HS3ST2: variants seen among roughly 807,000 people sequenced by gnomAD.
HS3ST2 encodes the protein heparan sulfate-glucosamine 3-sulfotransferase 2, also known as heparan sulfate glucosamine 3-O-sulfotransferase 2.
In HS3ST2, 17 loss-of-function variants were observed where a neutral mutation model predicts 26.3. That is an observed-to-expected ratio of 0.65 (90% confidence interval 0.44 to 0.97). The LOEUF (loss-of-function observed/expected upper bound fraction) is 0.97. Ranked by LOEUF, HS3ST2 falls within the 50% of genes least tolerant of loss-of-function variation. The pLI is 0.00. For missense variants in HS3ST2, 402 were observed against 501.2 expected (o/e 0.80, Z 1.89); for synonymous variants, 237 against 219.2 (o/e 1.08, Z -0.72).
chr16:22,831,052 C>G (rs1050859938), intron 1 of HS3ST2, among the ~76,000 whole-genome samples: 1 of 152,250 alleles, frequency 6.6e-6, no homozygotes, highest in African/African-American at 2.4e-5. Flanking sequence ...GCCTATTTCT[C>G]TGTTCCAGAG....
At chr16:22,836,180 C>T (rs896597089) in intron 1 of HS3ST2, among the ~76,000 whole-genome samples, 4 of 151,974 alleles carry the variant, frequency 2.6e-5, no homozygotes, top group Non-Finnish European at 4.4e-5. Context: ...ACATTTAATC[C>T]TCATAAAACT....
At chr16:22,879,570 C>T (rs1049077364) in intron 1 of HS3ST2, among the ~76,000 whole-genome samples, 9 of 152,096 alleles carry the variant, frequency 5.9e-5, no homozygotes, top group East Asian at 5.8e-4. Flanking sequence ...GCACGTGACC[C>T]GAGTGAGCTG....
intron 1 of HS3ST2, among the ~76,000 whole-genome samples, chr16:22,855,874 T>C (rs1025315341): frequency 1.3e-5 from 2 of 152,200 alleles, no homozygotes; most frequent in Non-Finnish European, 2.9e-5. Flanking sequence ...CTGTGACTCA[T>C]TGGCTCTGAT....
chr16:22,842,751 T>C (rs1381657689), intron 1 of HS3ST2, among the ~76,000 whole-genome samples: 2 of 152,194 alleles, frequency 1.3e-5, no homozygotes, highest in Non-Finnish European at 2.9e-5. Flanking sequence ...CTCCCATCTC[T>C]TAACCTTCTC....
chr16:22,864,871 C>A (rs570080466), intron 1 of HS3ST2, among the ~76,000 whole-genome samples: 8 of 126,208 alleles, frequency 6.3e-5, no homozygotes, highest in East Asian at 3.1e-4. Flanking sequence ...CATAGGGAGA[C>A]CCTGTCTCCA....
chr16:22,882,891 C>G (rs1031313587), intron 1 of HS3ST2, among the ~76,000 whole-genome samples: 16 of 151,376 alleles, frequency 1.1e-4, no homozygotes, highest in African/African-American at 3.9e-4. Flanking sequence ...GTTAGCCAGG[C>G]GTGGTGGTGC....
intron 1 of HS3ST2, among the ~76,000 whole-genome samples, chr16:22,899,871 G>A (rs550006109): frequency 1.3e-5 from 2 of 152,344 alleles, no homozygotes; most frequent in African/African-American, 2.4e-5. Flanking sequence ...ATGACACATA[G>A]GAATTACGGG....
chr16:22,815,946 G>T (rs1467204962), intron 1 of HS3ST2, among the ~76,000 whole-genome samples: 1 of 152,224 alleles, frequency 6.6e-6, no homozygotes, highest in African/African-American at 2.4e-5. Context: ...GCGGGTGAAG[G>T]CTAGCAAGGG....
chr16:22,882,284 C>T (rs922853443), intron 1 of HS3ST2, among the ~76,000 whole-genome samples: 4 of 152,094 alleles, frequency 2.6e-5, no homozygotes, highest in Non-Finnish European at 5.9e-5. Context: ...GTCAATTGAG[C>T]CTGGGATGTT....
At chr16:22,905,436 T>C (rs1049218633) in intron 1 of HS3ST2, among the ~76,000 whole-genome samples, 26 of 151,910 alleles carry the variant, frequency 1.7e-4, no homozygotes, top group Non-Finnish European at 3.1e-4. Flanking sequence ...TTTTTTTTTT[T>C]TCTCTTTTTT....
At chr16:22,823,817 T>C (rs1327179185) in intron 1 of HS3ST2, among the ~76,000 whole-genome samples, 2 of 152,048 alleles carry the variant, frequency 1.3e-5, no homozygotes, top group Non-Finnish European at 2.9e-5. Context: ...GTGTTAGCGA[T>C]TGGGAGAGAT....
At chr16:22,826,375 G>A (rs552522435) in intron 1 of HS3ST2, among the ~76,000 whole-genome samples, 2 of 152,088 alleles carry the variant, frequency 1.3e-5, no homozygotes, top group South Asian at 2.1e-4. Flanking sequence ...CATCATGCAT[G>A]TCCCAGCTCC....
chr16:22,914,606 G>GAGATGGGA (rs527516995), intron 1 of HS3ST2, among the ~76,000 whole-genome samples: 27,538 of 148,866 alleles, frequency 0.18, 3,882 homozygotes, highest in African/African-American at 0.38. Context: ...TTGGGAGGCT[G>GAGATGGGA]AGATGGGAAG....
intron 1 of HS3ST2, among the ~76,000 whole-genome samples, chr16:22,838,426 C>T (rs1424098193): frequency 1.3e-5 from 2 of 152,120 alleles, no homozygotes; most frequent in African/African-American, 4.8e-5. Context: ...TGGTGGAGGC[C>T]TCTTTCCTCC....
chr16:22,876,046 T>C (rs987791174), intron 1 of HS3ST2, among the ~76,000 whole-genome samples: 1 of 152,212 alleles, frequency 6.6e-6, no homozygotes, highest in Non-Finnish European at 1.5e-5. Context: ...CAAAGTTGCC[T>C]ATTGTCACAT....
intron 1 of HS3ST2, among the ~76,000 whole-genome samples, chr16:22,834,735 G>A (rs1901228119): frequency 7.4e-6 from 1 of 134,580 alleles, no homozygotes; most frequent in South Asian, 2.7e-4. Context: ...TATGGCAATA[G>A]AGCTGAAGCA....
chr16:22,817,969 C>A (rs998797159), intron 1 of HS3ST2, among the ~76,000 whole-genome samples: 2 of 152,206 alleles, frequency 1.3e-5, no homozygotes, highest in Non-Finnish European at 2.9e-5. Context: ...TTTGGAGAGA[C>A]CAGGAGACAG....
intron 1 of HS3ST2, among the ~76,000 whole-genome samples, chr16:22,840,565 G>A (rs1901337388): frequency 6.6e-6 from 1 of 151,974 alleles, no homozygotes; most frequent in East Asian, 1.9e-4. Context: ...TTTACTTTTA[G>A]TAGTGACAGG....
chr16:22,882,911 G>T (rs771899579), intron 1 of HS3ST2, among the ~76,000 whole-genome samples: 2 of 149,972 alleles, frequency 1.3e-5, no homozygotes, highest in Admixed American at 6.7e-5. Flanking sequence ...CATGCCTATA[G>T]TCCCAGCTAC....
Sources: allele counts gnomAD v4.1 joint callset (sites outside exome capture counted in the v4.1 genomes callset), GRCh38; gene constraint gnomAD v4.1.1; transcripts MANE v1.5; gene names NCBI Gene and HGNC (gene_info 2026-07-23, HGNC 2026-07-21).